Variants in AGBL4 observed in about 807,000 individuals in gnomAD.
AGBL4 encodes the protein cytosolic carboxypeptidase 6.
Under a neutral mutation model 66.4 loss-of-function variants are expected in AGBL4, and 58 were observed. The observed-to-expected ratio is 0.87, with a 90% CI of 0.71 to 1.09. The LOEUF is 1.09. AGBL4 is among the 50% of genes least tolerant of loss of function. AGBL4 has a pLI of 0.00. For missense variants in AGBL4, 579 were observed against 631.0 expected, an observed-to-expected ratio of 0.92 and a Z score of 0.88; for synonymous variants, 234 against 222.9, an observed-to-expected ratio of 1.05 and a Z score of -0.44.
At chr1:49,985,717 T>A (rs1659447633) in intron 1 of AGBL4, among the ~76,000 whole-genome samples, 1 of 152,188 alleles carries the variant, frequency 6.6e-6, no homozygotes, top group African/African-American at 2.4e-5. Context: ...TACCTACAGA[T>A]GTTCAGCTCT....
At chr1:49,829,719 C>T (rs899598165) in intron 2 of AGBL4, among the ~76,000 whole-genome samples, 5 of 151,984 alleles carry the variant, frequency 3.3e-5, no homozygotes, top group African/African-American at 1.2e-4. Context: ...ATGTACCCAT[C>T]AACTCATCAT....
intron 6 of AGBL4, among the ~76,000 whole-genome samples, chr1:48,850,158 A>G (rs147670014): frequency 6.6e-6 from 1 of 152,184 alleles, no homozygotes; most frequent in Non-Finnish European, 1.5e-5. Context: ...TTCACCGACT[A>G]TACTTTGAGA....
chr1:49,981,459 A>C (rs2148385250), intron 1 of AGBL4, among the ~76,000 whole-genome samples: 1 of 152,228 alleles, frequency 6.6e-6, no homozygotes, highest in South Asian at 2.1e-4. Flanking sequence ...AATTAACTAA[A>C]CAACTATGGA....
intron 3 of AGBL4, among the ~76,000 whole-genome samples, chr1:49,566,091 A>C (rs572121550): frequency 1.3e-5 from 2 of 152,246 alleles, no homozygotes; most frequent in African/African-American, 4.8e-5. Flanking sequence ...CGTTGATCGC[A>C]TCAGTTACTG....
intron 3 of AGBL4, among the ~76,000 whole-genome samples, chr1:49,284,272 A>C (rs1447668858): frequency 2.0e-5 from 3 of 152,156 alleles, no homozygotes; most frequent in African/African-American, 7.2e-5. Flanking sequence ...CAGCCAAACT[A>C]AGCTTCATAA....
intron 6 of AGBL4, chr1:48,758,873 T>A: frequency 6.8e-7 from 1 of 1,469,708 alleles, no homozygotes. Flanking sequence ...CCAAGTGGAG[T>A]GGTAGGTGAC....
rs181831335 is a variant in AGBL4, at chr1:49,949,830, G to A, written c.34+73933C>T. On this transcript the variant is annotated intron_variant, in intron 1 of 13. Coordinates refer to ENST00000371839, the MANE Select transcript of AGBL4 (RefSeq NM_032785.4). ...AGAACTAAAAGTAAAACTACCATTT[G>A]ATCCAGCAATCCCACTACTGGGTAT... Among the ~76,000 whole-genome samples the A allele has an allele frequency of 7.7e-4, 117 of 151,488 alleles. 1 individual carries two copies. The highest frequency in any genetic ancestry group is 2.1e-3 in the Admixed American group (32 of 15,146).
chr1:49,727,905 A>G (rs1385907193), intron 2 of AGBL4, among the ~76,000 whole-genome samples: 1 of 152,164 alleles, frequency 6.6e-6, no homozygotes, highest in Non-Finnish European at 1.5e-5. Context: ...AGGTGAAATA[A>G]TGTTTTCTGA....
At chr1:48,985,055 C>T (rs777298909) in intron 5 of AGBL4, among the ~76,000 whole-genome samples, 2 of 152,030 alleles carry the variant, frequency 1.3e-5, no homozygotes, top group Non-Finnish European at 2.9e-5. Context: ...TGGATTTACC[C>T]TCCCACCTGA....
At chr1:49,851,849 A>T (rs1646313050) in intron 1 of AGBL4, among the ~76,000 whole-genome samples, 1 of 152,172 alleles carries the variant, frequency 6.6e-6, no homozygotes, top group Admixed American at 6.5e-5. Context: ...ATCTACTATC[A>T]TTATCAAAAT....
intron 4 of AGBL4, among the ~76,000 whole-genome samples, chr1:49,172,028 T>C (rs1338226764): frequency 6.6e-6 from 1 of 152,184 alleles, no homozygotes; most frequent in African/African-American, 2.4e-5. Context: ...TCAAAACAAC[T>C]AATGCTAGAG....
At chr1:49,844,294 G>C (rs1646079855) in intron 2 of AGBL4, among the ~76,000 whole-genome samples, 2 of 152,102 alleles carry the variant, frequency 1.3e-5, no homozygotes, top group South Asian at 4.1e-4. Context: ...ACTGTAGCTG[G>C]GGCCTGGCTG....
intron 1 of AGBL4, among the ~76,000 whole-genome samples, chr1:49,967,639 T>C (rs1436964947): frequency 6.6e-6 from 1 of 152,050 alleles, no homozygotes; most frequent in Non-Finnish European, 1.5e-5. Flanking sequence ...ACTTAAAGTA[T>C]AATCAAAAAA....
chr1:48,750,482 A>G (rs1333817738), intron 6 of AGBL4, among the ~76,000 whole-genome samples: 3 of 152,130 alleles, frequency 2.0e-5, no homozygotes, highest in Non-Finnish European at 4.4e-5. Flanking sequence ...CTCCTACCCC[A>G]GCCATGTAAG....
rs537131165 is a variant in AGBL4, at chr1:49,195,143, C to G, written c.377+50627G>C. Among the ~76,000 whole-genome samples the G allele has an allele frequency of 4.6e-5, 7 of 152,176 alleles. No homozygotes were observed. The South Asian group carries it at 8.3e-4, about 18-fold the overall frequency. ...AGGTGTGAACCACCACACTTGGCCT[C>G]TTTTTATTCCTATGTCTGTTTGTCT... On this transcript the variant is annotated intron_variant, in intron 4 of 13. Coordinates refer to ENST00000371839, the MANE Select transcript of AGBL4 (RefSeq NM_032785.4).
chr1:48,773,869 G>A (rs1044948913), intron 6 of AGBL4, among the ~76,000 whole-genome samples: 1 of 152,210 alleles, frequency 6.6e-6, no homozygotes, highest in East Asian at 1.9e-4. Flanking sequence ...CAGAGATAAT[G>A]TGTAGGCATA....
At chr1:48,994,980 A>G (rs1043199443) in intron 5 of AGBL4, among the ~76,000 whole-genome samples, 1 of 152,214 alleles carries the variant, frequency 6.6e-6, no homozygotes, top group Non-Finnish European at 1.5e-5. Context: ...ACAAAATTTC[A>G]AACACAATTT....
chr1:49,956,519 T>C (rs1279170122), intron 1 of AGBL4, among the ~76,000 whole-genome samples: 2 of 151,874 alleles, frequency 1.3e-5, no homozygotes, highest in African/African-American at 4.8e-5. Context: ...TATAATGACT[T>C]ACCCTTAAGA....
intron 2 of AGBL4, among the ~76,000 whole-genome samples, chr1:49,830,529 C>A (rs148472163): frequency 6.6e-6 from 1 of 152,072 alleles, no homozygotes; most frequent in East Asian, 1.9e-4. Flanking sequence ...ATGGATAGAA[C>A]GCAAAATTTT....
Sources: allele counts gnomAD v4.1 joint callset (sites outside exome capture counted in the v4.1 genomes callset), GRCh38; gene constraint gnomAD v4.1.1; transcripts MANE v1.5; gene names NCBI Gene and HGNC (gene_info 2026-07-23, HGNC 2026-07-21).